Variants in ARHGAP20 observed in about 807,000 individuals in gnomAD.
ARHGAP20 encodes the protein Rho GTPase activating protein 20.
Under a neutral mutation model 73.7 loss-of-function variants are expected in ARHGAP20, and 34 were observed. The ratio of observed to expected loss-of-function variants is 0.46; its 90% CI spans 0.35 to 0.61. ARHGAP20 has a LOEUF of 0.61. Ranked by LOEUF, ARHGAP20 falls within the 20% of genes least tolerant of loss-of-function variation. ARHGAP20 has a pLI of 0.00. For synonymous variants in ARHGAP20, 523 were observed against 518.2 expected (o/e 1.01, Z -0.13); for missense variants, 1,314 against 1,420.9 (o/e 0.92, Z 1.21).
chr11:110,638,788 G>GT (rs769679071), intron 2 of ARHGAP20, among the ~76,000 whole-genome samples: 283 of 152,048 alleles, frequency 1.9e-3, no homozygotes, highest in Non-Finnish European at 3.3e-3. Flanking sequence ...CTCATAGGTG[G>GT]GAACTGAACA....
chr11:110,712,351 A>G lies in ARHGAP20; in HGVS notation c.-120T>C. 3 of 798,852 alleles carry G rather than the reference A, an allele frequency of 3.8e-6. No individual in the cohort carries two copies. Among genetic ancestry groups the G allele is most frequent in the South Asian group, 6.2e-5 (1 of 16,242 alleles). 49.5% of individuals were successfully genotyped at this position (798,852 alleles called of 1,614,324 possible). ...GCGCGGCTGCCGTGCTCAGGCAGGG[A>G]GCCGAGCTCCGGGTGCTCGCCGCGC... is the stretch of plus-strand genomic sequence containing the variant. On this transcript the variant is annotated 5_prime_UTR_variant, in exon 1 of 15. Coordinates refer to ENST00000683387, the MANE Select transcript of ARHGAP20 (RefSeq NM_001384657.1).
intron 2 of ARHGAP20, among the ~76,000 whole-genome samples, chr11:110,671,557 TTTTA>T (rs1004427740): frequency 4.6e-5 from 7 of 152,110 alleles, no homozygotes; most frequent in Admixed American, 1.3e-4. Flanking sequence ...GTAAAACCAT[TTTTA>T]TTCACAAAGG....
At chr11:110,656,214 G>A (rs1391821969) in intron 2 of ARHGAP20, among the ~76,000 whole-genome samples, 1 of 152,018 alleles carries the variant, frequency 6.6e-6, no homozygotes, top group Admixed American at 6.6e-5. Context: ...CACTCCTACT[G>A]CTTGTTACTC....
intron 9 of ARHGAP20, among the ~76,000 whole-genome samples, chr11:110,597,704 T>TATG (rs1491488755): frequency 6.6e-6 from 1 of 152,222 alleles, no homozygotes; most frequent in African/African-American, 2.4e-5. Context: ...TCAGCTACCC[T>TATG]ATGAGTGTTG....
rs753818198 is a variant in ARHGAP20 at position 110,580,003 on chromosome 11, A to G, written c.2943T>C (p.Ala981=). ...GAGAAAGGTCTTCCCGTTTTCTCTG[A>G]GCCTGAAAAGTGCAATCTATTGGAG... ...TSSPIDCTFQ[A]QRKREDLSPD... Residue 981 remains alanine (A), a synonymous_variant, in exon 15 of 15, where the codon GCT becomes GCC. Coordinates refer to ENST00000683387, the MANE Select transcript of ARHGAP20 (RefSeq NM_001384657.1). The G allele has an allele frequency of 1.9e-6, 3 of 1,614,174 alleles. No individual in the cohort carries two copies. Among genetic ancestry groups the G allele is most frequent in the South Asian group, 2.2e-5 (2 of 91,078 alleles).
intron 1 of ARHGAP20, chr11:110,690,896 G>C: frequency 8.5e-7 from 1 of 1,173,168 alleles, no homozygotes; most frequent in Non-Finnish European, 1.2e-6. Context: ...CAGAATATTT[G>C]GGAGAAACAC....
rs1162691408 is a variant in ARHGAP20, at chr11:110,577,819, C to T, written c.*1551G>A. 1.0e-6 allele frequency: 1 copy of T among 985,602 alleles called. No homozygotes were observed. Among genetic ancestry groups the T allele is most frequent in the East Asian group, 1.1e-4 (1 of 8,836 alleles). 61.1% of individuals were successfully genotyped at this position (985,602 alleles called of 1,614,324 possible). A position where few individuals can be genotyped will look rare whatever the true frequency, so the allele number is the denominator to read the frequency against. On this transcript the variant is annotated 3_prime_UTR_variant, in exon 15 of 15. Transcript: ENST00000683387. Reference sequence around the variant, plus strand: ...CCTATAGCTAATACTGAAATAACTTCTTCTATCTTAGAGAAAATATTTTTT... The same window carrying T: ...CCTATAGCTAATACTGAAATAACTTTTTCTATCTTAGAGAAAATATTTTTT...
In ARHGAP20 at chr11:110,668,939, G is replaced by A. The variant is rs539063056; in HGVS notation, c.188+21608C>T. Among the ~76,000 whole-genome samples, 4 of 152,114 alleles carry A rather than the reference G, an allele frequency of 2.6e-5. No individual in the cohort carries two copies. The South Asian group carries it at 8.3e-4, about 32-fold the overall frequency. On this transcript the variant is annotated intron_variant, in intron 2 of 14. Coordinates refer to ENST00000683387, the MANE Select transcript of ARHGAP20 (RefSeq NM_001384657.1). Reference sequence around the variant, plus strand: ...GCCATGCACAATAAAAATGAACACTGACCCTTATTTCATAAAATATATAAA... The same window carrying A: ...GCCATGCACAATAAAAATGAACACTAACCCTTATTTCATAAAATATATAAA...
chr11:110,703,140 C>A (rs1328796444), intron 1 of ARHGAP20, among the ~76,000 whole-genome samples: 1 of 152,058 alleles, frequency 6.6e-6, no homozygotes. Context: ...TAAATATGAT[C>A]TTCTATTTAC....
At chr11:110,696,182 G>T (rs1244724486) in intron 1 of ARHGAP20, among the ~76,000 whole-genome samples, 1 of 151,620 alleles carries the variant, frequency 6.6e-6, no homozygotes, top group African/African-American at 2.4e-5. Flanking sequence ...ATTGGGAGAT[G>T]ATAGCTAAGG....
intron 2 of ARHGAP20, among the ~76,000 whole-genome samples, chr11:110,648,470 A>G (rs1304932358): frequency 1.4e-5 from 2 of 146,320 alleles, no homozygotes; most frequent in African/African-American, 5.1e-5. Flanking sequence ...CATAAGTTCC[A>G]CACCATAACA....
chr11:110,652,119 CA>C (rs1949368954), intron 2 of ARHGAP20, among the ~76,000 whole-genome samples: 1 of 152,082 alleles, frequency 6.6e-6, no homozygotes, highest in Admixed American at 6.6e-5. Flanking sequence ...ATCACATAAA[CA>C]GAACTAGAGA....
intron 6 of ARHGAP20, among the ~76,000 whole-genome samples, chr11:110,613,272 T>C (rs1207880828): frequency 6.6e-6 from 1 of 152,206 alleles, no homozygotes; most frequent in East Asian, 1.9e-4. Context: ...ATTAGCATAA[T>C]TTACTGACAA....
chr11:110,633,349 A>G (rs756618088), intron 2 of ARHGAP20, among the ~76,000 whole-genome samples: 1 of 152,144 alleles, frequency 6.6e-6, no homozygotes, highest in Non-Finnish European at 1.5e-5. Context: ...GCATAGGTCT[A>G]TTTCCAGGCT....
chr11:110,634,204 G>T (rs1013156953), intron 2 of ARHGAP20, among the ~76,000 whole-genome samples: 1 of 152,110 alleles, frequency 6.6e-6, no homozygotes, highest in Admixed American at 6.6e-5. Context: ...GGAGAATGGC[G>T]TAGGCAGAAC....
In ARHGAP20 at chr11:110,580,192, G is replaced by A. The variant is rs556700171; in HGVS notation, c.2754C>T (p.Asn918=). 4 of 1,614,214 alleles carry A rather than the reference G, an allele frequency of 2.5e-6. No individual in the cohort carries two copies. The South Asian group carries it at 3.3e-5, about 13-fold the overall frequency. Residue 918 remains asparagine (N), a synonymous_variant, in exon 15 of 15, where the codon AAC becomes AAT. Transcript: ENST00000683387. ...EVGKSSATNQ[N]TEKVLPPRLN... Reference sequence around the variant, plus strand: ...ATCTTGGGGGTAAAACCTTCTCAGTGTTTTGGTTTGTGGCACTACTCTTGC... The same window carrying A: ...ATCTTGGGGGTAAAACCTTCTCAGTATTTTGGTTTGTGGCACTACTCTTGC...
rs1311470853 is a variant in ARHGAP20 at position 110,579,708 on chromosome 11, C to T, written c.3238G>A (p.Val1080Ile). The change falls in exon 15 of 15, where the codon GTT becomes ATT. Residue 1080 changes from valine (V) to isoleucine (I), a missense_variant. By Grantham distance (29) the Val-to-Ile change is conservative (BLOSUM62 3). This residue lies in a region of ARHGAP20 where 641 missense variants were observed against 636.9 expected (regional missense o/e 1.01). Coordinates refer to ENST00000683387, the MANE Select transcript of ARHGAP20 (RefSeq NM_001384657.1). ...TCTTGCAGTGAGTTGGCTTCTGGAA[C>T]ACCAGAAGCATGTGGGGGTGGCTCT... Reference protein sequence around the residue: ...PLEPPPHASGVPEANSLQEEQ... With the variant: ...PLEPPPHASGIPEANSLQEEQ... 3.7e-6 allele frequency: 6 copies of T among 1,614,042 alleles called. No individual in the cohort carries two copies. Among genetic ancestry groups the T allele is most frequent in the Non-Finnish European group, 5.1e-6 (6 of 1,180,022 alleles).
At chr11:110,684,894 A>G (rs530895111) in intron 2 of ARHGAP20, among the ~76,000 whole-genome samples, 3 of 151,644 alleles carry the variant, frequency 2.0e-5, no homozygotes, top group African/African-American at 7.3e-5. Flanking sequence ...TGAAAACAAA[A>G]GACACTAGGG....
At chr11:110,646,974 G>A (rs1203533760) in intron 2 of ARHGAP20, among the ~76,000 whole-genome samples, 2 of 152,118 alleles carry the variant, frequency 1.3e-5, no homozygotes, top group Admixed American at 6.6e-5. Context: ...AAAAATAATA[G>A]TAATAAGTTG....
Sources: gnomAD v4.1 joint callset for allele counts (sites outside exome capture counted in the v4.1 genomes callset) on GRCh38, gnomAD v4.1.1 for gene constraint, gnomAD v4.1.1 regional missense constraint, MANE v1.5 for transcripts, NCBI Gene and HGNC (gene_info 2026-07-23, HGNC 2026-07-21) for gene names.